PPOX: variants seen among roughly 807,000 people sequenced by gnomAD.
PPOX encodes the protein variegate porphyria.
A neutral mutation model predicts 54.1 loss-of-function variants in PPOX; 23 were observed. That is an observed-to-expected ratio of 0.43 (90% confidence interval 0.31 to 0.60). The LOEUF (loss-of-function observed/expected upper bound fraction) is 0.60, where lower values mean the gene tolerates loss of function less well. Ranked by LOEUF, PPOX falls within the 20% of genes least tolerant of loss-of-function variation. The probability of loss-of-function intolerance (pLI) is 0.13; values close to 1 mark genes in which losing one functional copy is unlikely to be tolerated. For synonymous variants in PPOX, 224 were observed against 236.1 expected (o/e 0.95, Z 0.47); for missense variants, 512 against 601.1 (o/e 0.85, Z 1.55).
downstream of PPOX, chr1:161,176,159 C>T (rs1663434872): frequency 8.3e-6 from 12 of 1,439,566 alleles, no homozygotes; most frequent in Non-Finnish European, 1.1e-5. Context: ...GAAGGTGATG[C>T]CAGGGGTAAA....
chr1:161,177,378 C>T, downstream of PPOX: 1 of 349,868 alleles, frequency 2.9e-6, no homozygotes, highest in Non-Finnish European at 5.4e-6. Context: ...AATGCCCAAA[C>T]CTTTATCCCA....
At position 161,167,096 on chromosome 1, in the gene PPOX, C is replaced by T; in HGVS notation, c.88-4C>T. 1.2e-6 allele frequency: 2 copies of T among 1,614,234 alleles called. No individual in the cohort carries two copies. The highest frequency in any genetic ancestry group is 1.3e-5 in the African/African-American group (1 of 75,062). ...GCTGCAGTGTCTCTCCCTCTTGTCG[C>T]CAGGTGGTCCTAGTGGAGAGCAGTG... On this transcript the variant is annotated splice_polypyrimidine_tract_variant and splice_region_variant and intron_variant, in intron 2 of 12. Transcript: ENST00000367999.
In PPOX at chr1:161,170,741, C is replaced by T. The variant is rs772971420; in HGVS notation, c.1220C>T (p.Pro407Leu). The T allele has an allele frequency of 1.6e-4, 263 of 1,611,806 alleles. No individual in the cohort carries two copies. Among genetic ancestry groups the T allele is most frequent in the Non-Finnish European group, 2.1e-4 (243 of 1,179,554 alleles). ...AATQLGLKEM[P>L]SHCLVHLHKN... Reference sequence around the variant, plus strand: ...ACACAATTAGGACTGAAGGAGATGCCGAGCCACTGCTTGGTCCATCTACAC... The same window carrying T: ...ACACAATTAGGACTGAAGGAGATGCTGAGCCACTGCTTGGTCCATCTACAC... The change falls in exon 11 of 13, where the codon CCG becomes CTG. Residue 407 changes from proline (P) to leucine (L), a missense_variant. Coordinates refer to ENST00000367999, the MANE Select transcript of PPOX (RefSeq NM_001122764.3).
chr1:161,173,851 C>T (rs781081815), downstream of PPOX: 3 of 1,612,876 alleles, frequency 1.9e-6, no homozygotes, highest in Admixed American at 1.7e-5. Flanking sequence ...CCCTTCCATG[C>T]CCTCTACCTG....
At chr1:161,166,095 T>A, upstream of PPOX, 1 of 985,340 alleles carries the variant, frequency 1.0e-6, no homozygotes, top group Non-Finnish European at 1.2e-6. Context: ...TGGACTGGCC[T>A]TAAGTGTCCC....
At chr1:161,175,120 G>T (rs1361732367), downstream of PPOX, 1 of 1,613,864 alleles carries the variant, frequency 6.2e-7, no homozygotes, top group Non-Finnish European at 8.5e-7. Flanking sequence ...TCGGGAGCGG[G>T]GCTCACAACC....
chr1:161,166,858 C>G lies in PPOX; in HGVS notation c.11C>G (p.Thr4Ser), dbSNP rs768926893. The G allele has an allele frequency of 2.5e-6, 4 of 1,613,714 alleles. No homozygotes were observed. The highest frequency in any genetic ancestry group is 1.7e-4 in the Middle Eastern group (1 of 6,048). The change falls in exon 2 of 13, where the codon ACC (threonine) becomes AGC (serine). Residue 4 changes from threonine (T) to serine (S), a missense_variant. Coordinates refer to ENST00000367999, the MANE Select transcript of PPOX (RefSeq NM_001122764.3). ...CCCCCAGGTTTCCGCATGGGCCGGA[C>G]CGTGGTCGTGCTGGGCGGAGGCATC... is the stretch of plus-strand genomic sequence containing the variant. MGR[T>S]VVVLGGGISG...
downstream of PPOX, chr1:161,175,196 G>T: frequency 6.2e-7 from 1 of 1,613,758 alleles, no homozygotes; most frequent in South Asian, 1.1e-5. Context: ...GCCAGTGATG[G>T]CACTGGGCTA....
At chr1:161,175,735 C>G (rs1293620980), downstream of PPOX, 122 of 1,571,860 alleles carry the variant, frequency 7.8e-5, no homozygotes, top group Non-Finnish European at 1.0e-4. Context: ...CCACTCCATG[C>G]CTCCCTATCC....
chr1:161,177,054 C>A (rs765720429), downstream of PPOX: 6 of 1,535,736 alleles, frequency 3.9e-6, no homozygotes, highest in African/African-American at 1.4e-5. Flanking sequence ...GTGGCGTCCT[C>A]TACCTTTTCT....
At chr1:161,176,887 G>A in exon 5 of PPOX, 2 of 1,536,268 alleles carry the variant, frequency 1.3e-6, no homozygotes, top group Non-Finnish European at 8.7e-7. Context: ...GTCATGACAG[G>A]ACCGTGGAGT....
chr1:161,172,163 G>A (rs1009090346), downstream of PPOX: 2 of 1,612,064 alleles, frequency 1.2e-6, no homozygotes, highest in Non-Finnish European at 1.7e-6. Flanking sequence ...GGATTTTCCT[G>A]GCTAGGGGTA....
rs1483807167 is a variant in PPOX at position 161,171,068 on chromosome 1, G to A, written c.1326G>A (p.Leu442=). 7 of 1,614,178 alleles carry A rather than the reference G, an allele frequency of 4.3e-6. No individual in the cohort carries two copies. The East Asian group carries it at 1.3e-4, about 31-fold the overall frequency. Residue 442 remains leucine, a synonymous_variant, in exon 13 of 13, where the codon TTG becomes TTA. Coordinates refer to ENST00000367999, the MANE Select transcript of PPOX (RefSeq NM_001122764.3). ...GGCAATTCCTGACTGCTCACAGGTT[G>A]CCCCTGACTCTGGCTGGAGCCTCCT... ...SARQFLTAHR[L]PLTLAGASYE...
rs999497211 is a variant in PPOX at position 161,166,672 on chromosome 1, G to A, written c.-9G>A. The stretch of plus-strand genomic sequence containing the variant: ...TTTTCTCTCATCCCTACCTATTGTG[G>A]GTGAGTCCTGGCCCCTGGACGGGGA... On this transcript the variant is annotated splice_region_variant and 5_prime_UTR_variant, in exon 1 of 13. Transcript: ENST00000367999. 1.2e-4 allele frequency: 178 copies of A among 1,501,736 alleles called. No homozygotes were observed. Among genetic ancestry groups the A allele is most frequent in the Middle Eastern group, 9.5e-4 (4 of 4,212 alleles). 93.0% of individuals were successfully genotyped at this position (1,501,736 alleles called of 1,614,324 possible). A position where few individuals can be genotyped will look rare whatever the true frequency, so the allele number is the denominator to read the frequency against.
downstream of PPOX, chr1:161,175,873 C>G: frequency 6.2e-7 from 1 of 1,614,120 alleles, no homozygotes; most frequent in East Asian, 2.2e-5. Flanking sequence ...CCCTGGGGCC[C>G]CAGGCAGGTG....
At position 161,168,061 on chromosome 1, in the gene PPOX, C is replaced by G; in HGVS notation, c.405C>G (p.Thr135=). The G allele has an allele frequency of 6.2e-7, 1 of 1,614,142 alleles. No homozygotes were observed. The highest frequency in any genetic ancestry group is 1.1e-5 in the South Asian group (1 of 91,086). The change falls in exon 5 of 13, where the codon ACC becomes ACG. Residue 135 remains threonine (T), a synonymous_variant. Coordinates refer to ENST00000367999, the MANE Select transcript of PPOX (RefSeq NM_001122764.3). ...TTTGGGCTGGGCTGAGGGAGCTGACCAAGCCCCGGGGCAAAGAGCCTGATG... is the reference window on the plus strand; with the variant it reads ...TTTGGGCTGGGCTGAGGGAGCTGACGAAGCCCCGGGGCAAAGAGCCTGATG... ...PLFWAGLREL[T]KPRGKEPDET...
chr1:161,175,373 T>A, downstream of PPOX: 1 of 739,324 alleles, frequency 1.4e-6, no homozygotes, highest in Admixed American at 2.9e-5. Context: ...ATGCCTTGGA[T>A]TACCTATCAC....
downstream of PPOX, chr1:161,176,098 G>T (rs774785990): frequency 6.2e-6 from 10 of 1,609,856 alleles, no homozygotes; most frequent in Admixed American, 1.7e-4. Flanking sequence ...GGGGAATTCT[G>T]GGGGTAGGCA....
chr1:161,173,262 CT>C (rs750962967), downstream of PPOX, among the ~76,000 whole-genome samples: 77 of 152,288 alleles, frequency 5.1e-4, no homozygotes, highest in Non-Finnish European at 1.0e-3. Flanking sequence ...AGCAGAGCCC[CT>C]CTCTCCTAAC....
Sources: allele counts gnomAD v4.1 joint callset (sites outside exome capture counted in the v4.1 genomes callset), GRCh38; gene constraint gnomAD v4.1.1; transcripts MANE v1.5; gene names NCBI Gene and HGNC (gene_info 2026-07-23, HGNC 2026-07-21).